CEP128: variants seen among roughly 807,000 people sequenced by gnomAD.
The protein encoded by CEP128 is centrosomal protein 128kDa.
Under a neutral mutation model 156.7 loss-of-function variants are expected in CEP128, and 132 were observed. The ratio of observed to expected loss-of-function variants is 0.84; its 90% CI spans 0.73 to 0.97. The LOEUF (loss-of-function observed/expected upper bound fraction) is 0.97, where lower values mean the gene tolerates loss of function less well. Among genes scored for constraint, CEP128 ranks in the 50% least tolerant of loss-of-function variants. The pLI is 0.00. For missense variants in CEP128, 1,252 were observed against 1,281.9 expected (o/e 0.98, Z 0.36); for synonymous variants, 469 against 448.9 (o/e 1.04, Z -0.57).
chr14:80,646,825 A>G (rs1250991069), intron 19 of CEP128, among the ~76,000 whole-genome samples: 1 of 150,942 alleles, frequency 6.6e-6, no homozygotes, highest in Non-Finnish European at 1.5e-5. Context: ...ATTATTTAGC[A>G]CTCTTATTCT....
intron 19 of CEP128, among the ~76,000 whole-genome samples, chr14:80,741,937 C>G (rs1424528913): frequency 6.6e-6 from 1 of 151,944 alleles, no homozygotes; most frequent in African/African-American, 2.4e-5. Flanking sequence ...TTATGGAAAT[C>G]TTGCTTTGTT....
At chr14:80,489,923 AAAG>A (rs1439259341), downstream of CEP128, among the ~76,000 whole-genome samples, 14 of 138,722 alleles carry the variant, frequency 1.0e-4, no homozygotes, top group South Asian at 2.3e-4. Context: ...AAAAAAAAAA[AAAG>A]AAACACCTTC....
chr14:80,710,817 C>T (rs1897375784), intron 19 of CEP128, among the ~76,000 whole-genome samples: 1 of 152,088 alleles, frequency 6.6e-6, no homozygotes, highest in African/African-American at 2.4e-5. Flanking sequence ...AATGCACAAA[C>T]TCCAGCAAAA....
At chr14:80,666,435 G>A (rs1304075872) in intron 19 of CEP128, among the ~76,000 whole-genome samples, 3 of 152,078 alleles carry the variant, frequency 2.0e-5, no homozygotes, top group Admixed American at 2.0e-4. Context: ...TGATTCCCAG[G>A]AAATCAACAA....
intron 2 of CEP128, among the ~76,000 whole-genome samples, chr14:80,946,948 G>A (rs1022341859): frequency 6.6e-6 from 1 of 152,046 alleles, no homozygotes; most frequent in Non-Finnish European, 1.5e-5. Flanking sequence ...AAGAACTGTT[G>A]TTTAAAAGTG....
intron 21 of CEP128, among the ~76,000 whole-genome samples, chr14:80,534,694 G>A (rs891483201): frequency 1.3e-4 from 20 of 151,794 alleles, no homozygotes; most frequent in African/African-American, 2.9e-4. Context: ...GCGCGGTGGC[G>A]GGCACCTGTA....
At chr14:80,897,148 A>T (rs916454057) in intron 7 of CEP128, among the ~76,000 whole-genome samples, 3 of 152,236 alleles carry the variant, frequency 2.0e-5, no homozygotes, top group African/African-American at 7.2e-5. Flanking sequence ...AATAATAAAA[A>T]TGAGCAAACT....
chr14:80,770,988 C>A (rs1026122421), intron 16 of CEP128, among the ~76,000 whole-genome samples: 1 of 152,132 alleles, frequency 6.6e-6, no homozygotes, highest in Non-Finnish European at 1.5e-5. Context: ...CTTCATAGAA[C>A]AGACATCTGA....
At chr14:80,859,560 AT>A (rs1887410645) in intron 9 of CEP128, among the ~76,000 whole-genome samples, 1 of 151,876 alleles carries the variant, frequency 6.6e-6, no homozygotes, top group Non-Finnish European at 1.5e-5. Flanking sequence ...TAATAAATTA[AT>A]TAATTTTTAA....
chr14:80,486,413 A>C (rs1020610263), downstream of CEP128, among the ~76,000 whole-genome samples: 3 of 152,034 alleles, frequency 2.0e-5, no homozygotes, highest in Non-Finnish European at 1.5e-5. Flanking sequence ...TGAAAGTGAC[A>C]GGGAGAATGG....
At chr14:80,654,434 G>A (rs1895043866) in intron 19 of CEP128, among the ~76,000 whole-genome samples, 1 of 152,138 alleles carries the variant, frequency 6.6e-6, no homozygotes, top group African/African-American at 2.4e-5. Flanking sequence ...TAGCTACACA[G>A]ATGATATAGG....
intron 21 of CEP128, among the ~76,000 whole-genome samples, chr14:80,538,970 G>C (rs1889613878): frequency 6.6e-6 from 1 of 152,176 alleles, no homozygotes; most frequent in African/African-American, 2.4e-5. Flanking sequence ...CATGAGAGTA[G>C]GGAATATATG....
chr14:80,601,988 T>C (rs1429491426), intron 19 of CEP128, among the ~76,000 whole-genome samples: 1 of 152,130 alleles, frequency 6.6e-6, no homozygotes, highest in Non-Finnish European at 1.5e-5. Flanking sequence ...ATAGTTTAGA[T>C]TCGAAGACAA....
intron 13 of CEP128, among the ~76,000 whole-genome samples, chr14:80,820,623 T>C (rs953675699): frequency 1.7e-4 from 26 of 152,378 alleles, no homozygotes; most frequent in African/African-American, 5.5e-4. Context: ...AGAATTGCCA[T>C]TCTGAACTTG....
chr14:80,850,620 A>C (rs1373360983), intron 9 of CEP128, among the ~76,000 whole-genome samples: 1 of 152,224 alleles, frequency 6.6e-6, no homozygotes, highest in East Asian at 1.9e-4. Flanking sequence ...ATCCCAAAAG[A>C]AAAGTCAATC....
At chr14:80,840,334 T>C (rs574227678) in intron 10 of CEP128, among the ~76,000 whole-genome samples, 1 of 152,306 alleles carries the variant, frequency 6.6e-6, no homozygotes, top group South Asian at 2.1e-4. Flanking sequence ...CTGTCCACTA[T>C]AATGAAAATG....
At chr14:80,704,847 T>C (rs1897186479) in intron 19 of CEP128, among the ~76,000 whole-genome samples, 1 of 152,102 alleles carries the variant, frequency 6.6e-6, no homozygotes, top group South Asian at 2.1e-4. Flanking sequence ...AACTCTTTTA[T>C]TGTAGAAATT....
intron 4 of CEP128, among the ~76,000 whole-genome samples, chr14:80,909,884 G>A (rs1366646375): frequency 6.6e-6 from 1 of 151,990 alleles, no homozygotes; most frequent in Non-Finnish European, 1.5e-5. Context: ...TAGGTGTAAC[G>A]CCAAACCAAA....
intron 19 of CEP128, among the ~76,000 whole-genome samples, chr14:80,713,938 C>T (rs1203382733): frequency 6.6e-6 from 1 of 152,154 alleles, no homozygotes. Context: ...CCATCCAATG[C>T]TGCAGTTTCC....
Sources: allele counts gnomAD v4.1 joint callset (sites outside exome capture counted in the v4.1 genomes callset), GRCh38; gene constraint gnomAD v4.1.1; transcripts MANE v1.5; gene names NCBI Gene and HGNC (gene_info 2026-07-23, HGNC 2026-07-21).